The following MPHOSPH6 variants were observed in gnomAD, a reference collection of about 807,000 sequenced individuals.
The protein encoded by MPHOSPH6 is M-phase phosphoprotein 6.
MPHOSPH6 carries 25 observed loss-of-function variants against 21.8 expected under a neutral mutation model. That is an observed-to-expected ratio of 1.15 (90% confidence interval 0.83 to 1.60). MPHOSPH6 has a LOEUF of 1.60. MPHOSPH6 is among the 40% of genes most tolerant of loss of function. MPHOSPH6 has a pLI of 0.00. For synonymous variants in MPHOSPH6, 84 were observed against 56.5 expected (o/e 1.49, Z -2.18); for missense variants, 269 against 181.8 (o/e 1.48, Z -2.76).
chr16:82,162,262 G>C (rs1384708488), intron 2 of MPHOSPH6: 3 of 152,242 alleles, frequency 2.0e-5, no homozygotes, highest in African/African-American at 4.8e-5. Flanking sequence ...ACCCAGGTCT[G>C]CCTGACTTCA....
chr16:82,165,379 C>T (rs1467785408), intron 1 of MPHOSPH6, among the ~76,000 whole-genome samples: 2 of 151,994 alleles, frequency 1.3e-5, no homozygotes, highest in Non-Finnish European at 2.9e-5. Flanking sequence ...CCGCCTCGGC[C>T]TCCCAAAGTG....
chr16:82,165,121 AT>A (rs945085704), intron 1 of MPHOSPH6, among the ~76,000 whole-genome samples: 3 of 48,624 alleles, frequency 6.2e-5, no homozygotes, highest in Non-Finnish European at 4.4e-5. Context: ...TTTCTTTTTT[AT>A]TTTTTTTTTT....
intron 2 of MPHOSPH6, among the ~76,000 whole-genome samples, chr16:82,161,953 A>G (rs541550507): frequency 2.6e-5 from 4 of 152,250 alleles, no homozygotes; most frequent in Non-Finnish European, 4.4e-5. Context: ...AGACACATGC[A>G]ATCTCCAAAT....
At chr16:82,151,613 G>A (rs1286790395) in intron 2 of MPHOSPH6, 99 bp from the exon 3 acceptor site, 1 of 1,351,440 alleles carries the variant, frequency 7.4e-7, no homozygotes, top group Non-Finnish European at 9.6e-7. Context: ...ATGGTTCTCA[G>A]TAGAATGAAG....
chr16:82,170,038 C>G (rs1906920226), intron 1 of MPHOSPH6, 87 bp downstream of exon 1: 1 of 1,449,346 alleles, frequency 6.9e-7, no homozygotes, highest in Non-Finnish European at 9.3e-7. Context: ...TCTGGTGTCC[C>G]TTGTCCGCCC....
chr16:82,157,572 C>T (rs192927981), intron 2 of MPHOSPH6, among the ~76,000 whole-genome samples: 1 of 152,166 alleles, frequency 6.6e-6, no homozygotes. Context: ...GATGCATGCA[C>T]TATCAAAACA....
chr16:82,168,243 A>G (rs1837060702), intron 1 of MPHOSPH6, among the ~76,000 whole-genome samples: 1 of 152,188 alleles, frequency 6.6e-6, no homozygotes, highest in Admixed American at 6.5e-5. Flanking sequence ...AAATCTTTCC[A>G]ATATCTGCTT....
chr16:82,157,642 C>G (rs1024411403), intron 2 of MPHOSPH6, among the ~76,000 whole-genome samples: 1 of 152,258 alleles, frequency 6.6e-6, no homozygotes, highest in Non-Finnish European at 1.5e-5. Context: ...CACACCCACA[C>G]GTGCACACAG....
chr16:82,163,191 A>G (rs933629042), intron 2 of MPHOSPH6, among the ~76,000 whole-genome samples: 1 of 152,208 alleles, frequency 6.6e-6, no homozygotes, highest in Non-Finnish European at 1.5e-5. Context: ...CAAAGCCCAA[A>G]CATCAGGTAC....
chr16:82,157,976 A>G (rs943827281), intron 2 of MPHOSPH6, among the ~76,000 whole-genome samples: 4 of 152,220 alleles, frequency 2.6e-5, no homozygotes, highest in African/African-American at 9.7e-5. Context: ...GTGCAAAAGC[A>G]ACTCTGGGTA....
At chr16:82,165,121 A>ATTTTTTTTTTTTT (rs945085704) in intron 1 of MPHOSPH6, among the ~76,000 whole-genome samples, 1 of 48,624 alleles carries the variant, frequency 2.1e-5, no homozygotes, top group African/African-American at 6.9e-5. Context: ...TTTCTTTTTT[A>ATTTTTTTTTTTTT]TTTTTTTTTT....
At chr16:82,160,869 G>A (rs377142016) in intron 2 of MPHOSPH6, among the ~76,000 whole-genome samples, 9 of 152,232 alleles carry the variant, frequency 5.9e-5, no homozygotes, top group East Asian at 3.9e-4. Flanking sequence ...GAAAAATGAC[G>A]TGCAGGTAGG....
At chr16:82,150,411 TA>T (rs550554342) in intron 3 of MPHOSPH6, among the ~76,000 whole-genome samples, 4 of 152,100 alleles carry the variant, frequency 2.6e-5, no homozygotes, top group Non-Finnish European at 5.9e-5. Flanking sequence ...CAGCATATAT[TA>T]AAAACAAACA....
At chr16:82,168,582 C>T (rs1218506409) in intron 1 of MPHOSPH6, among the ~76,000 whole-genome samples, 3 of 151,866 alleles carry the variant, frequency 2.0e-5, no homozygotes, top group Non-Finnish European at 4.4e-5. Flanking sequence ...GTGATCCTCC[C>T]ACCTCAGCCT....
At chr16:82,151,281 T>C (rs1227017998) in intron 3 of MPHOSPH6, 143 bp downstream of exon 3, 2 of 1,210,856 alleles carry the variant, frequency 1.7e-6, no homozygotes, top group South Asian at 1.4e-5. Flanking sequence ...TTTCTTTAAA[T>C]AGCTATGGCG....
chr16:82,159,724 T>G (rs886076611), intron 2 of MPHOSPH6, among the ~76,000 whole-genome samples: 1 of 152,100 alleles, frequency 6.6e-6, no homozygotes, highest in Admixed American at 6.5e-5. Flanking sequence ...CTAAATAATT[T>G]TTATAAATGC....
intron 1 of MPHOSPH6, among the ~76,000 whole-genome samples, chr16:82,169,436 G>C (rs2142423384): frequency 6.6e-6 from 1 of 152,316 alleles, no homozygotes; most frequent in Non-Finnish European, 1.5e-5. Flanking sequence ...CCTGGAAGAA[G>C]AGGGAGTTCT....
intron 2 of MPHOSPH6, among the ~76,000 whole-genome samples, chr16:82,161,427 T>C (rs1320576077): frequency 1.3e-5 from 2 of 152,154 alleles, no homozygotes; most frequent in African/African-American, 4.8e-5. Flanking sequence ...CAAAAATACT[T>C]CTTAAACAAC....
intron 2 of MPHOSPH6, among the ~76,000 whole-genome samples, chr16:82,157,118 C>G (rs920913318): frequency 6.6e-6 from 1 of 151,968 alleles, no homozygotes; most frequent in Non-Finnish European, 1.5e-5. Flanking sequence ...AGTTCTTTAA[C>G]ATTATTAGTC....
Sources: gnomAD v4.1 joint callset for allele counts (sites outside exome capture counted in the v4.1 genomes callset) on GRCh38, gnomAD v4.1.1 for gene constraint, MANE v1.5 for transcripts, NCBI Gene and HGNC (gene_info 2026-07-23, HGNC 2026-07-21) for gene names.